RIBC1: variants seen among roughly 807,000 people sequenced by gnomAD.
RIBC1 encodes RIB43A-like with coiled-coils protein 1.
In RIBC1, 12 loss-of-function variants were observed where a neutral mutation model predicts 33.7. The observed-to-expected ratio is 0.36, with a 90% CI of 0.23 to 0.58. The LOEUF is 0.58. RIBC1 is among the 20% of genes least tolerant of loss of function. The probability of loss-of-function intolerance (pLI) is 0.81; values close to 1 mark genes in which losing one functional copy is unlikely to be tolerated. For synonymous variants in RIBC1, 89 were observed against 109.0 expected (o/e 0.82, Z 1.14); for missense variants, 242 against 311.6 (o/e 0.78, Z 1.68).
Position 53,430,575 on chromosome X carries a change from G to A in RIBC1, c.843G>A (p.Gln281=), listed in dbSNP as rs781817042. The change falls in exon 7 of 8, where the codon CAG becomes CAA. Residue 281 remains glutamine, a synonymous_variant. Transcript: ENST00000375327. ...GCTGGAAGGGCATGACTCCAGAGCA[G>A]CAAGCTGCCATCAGGAAAGAGCAGG... The part of the protein sequence containing the change: ...PYCWKGMTPE[Q]QAAIRKEQEV... 1.7e-6 allele frequency: 2 copies of A among 1,206,834 alleles called. No homozygotes were observed. Among genetic ancestry groups the A allele is most frequent in the South Asian group, 3.6e-5 (2 of 56,134 alleles).
intron 6 of RIBC1, 84 bp from the exon 7 acceptor site, chrX:53,430,312 G>T: frequency 1.3e-6 from 1 of 768,008 alleles, no homozygotes. Flanking sequence ...TGAGATGGAA[G>T]AGTAGGGCCA....
chrX:53,423,720 CTATT>C (rs1334280856), intron 2 of RIBC1, among the ~76,000 whole-genome samples: 3 of 111,889 alleles, frequency 2.7e-5, no homozygotes, highest in South Asian at 7.4e-4. Flanking sequence ...ATTCCTTTAA[CTATT>C]TATTAAATTA....
intron 5 of RIBC1, chrX:53,428,916 C>T: frequency 9.5e-6 from 7 of 735,428 alleles, no homozygotes; most frequent in Non-Finnish European, 1.2e-5. Context: ...ATGAATTTTC[C>T]CTTCTGTGCT....
chrX:53,429,023 A>C (rs782357664), intron 5 of RIBC1: 13 of 201,151 alleles, frequency 6.5e-5, no homozygotes, highest in Non-Finnish European at 1.0e-4. Context: ...CTCTTCCATT[A>C]GAAGAAGCCC....
At chrX:53,429,703 A>C in intron 5 of RIBC1, 151 bp from the exon 6 acceptor site, 1 of 1,052,815 alleles carries the variant, frequency 9.5e-7, no homozygotes, top group East Asian at 3.3e-5. Flanking sequence ...TGCTGCACCT[A>C]GTTCCTTCCA....
intron 6 of RIBC1, 89 bp downstream of exon 6, chrX:53,430,061 C>A (rs782717317): frequency 2.3e-5 from 18 of 767,132 alleles, no homozygotes; most frequent in Non-Finnish European, 3.5e-5. Flanking sequence ...CCTCTTACAT[C>A]CCCTCTTAAA....
chrX:53,428,311 A>T lies in RIBC1; in HGVS notation c.228A>T (p.Val76=). The T allele has an allele frequency of 8.3e-7, 1 of 1,211,499 alleles. No homozygotes were observed. Among genetic ancestry groups the T allele is most frequent in the Non-Finnish European group, 1.1e-6 (1 of 895,229 alleles). The part of the protein sequence containing the change: ...YGTSQVQYDV[V]VQMLEKEEAD... The stretch of plus-strand genomic sequence containing the variant: ...CCAGCCAGGTGCAGTATGATGTGGT[A>T]GTCCAGATGTTAGAGAAGGAAGAGG... Residue 76 remains valine, a synonymous_variant, in exon 5 of 8, where the codon GTA becomes GTT. Transcript: ENST00000375327.
At chrX:53,428,767 G>A in intron 5 of RIBC1, 140 bp downstream of exon 5, 3 of 1,109,168 alleles carry the variant, frequency 2.7e-6, no homozygotes, top group Admixed American at 3.4e-5. Context: ...GTTAGGTTGT[G>A]CAGACCCCAA....
At position 53,430,768 on chromosome X, in the gene RIBC1, C is replaced by T; in HGVS notation, c.1036C>T (p.Leu346=). The T allele has an allele frequency of 1.7e-6, 2 of 1,205,168 alleles. No homozygotes were observed. Among genetic ancestry groups the T allele is most frequent in the Non-Finnish European group, 2.2e-6 (2 of 891,849 alleles). ...QRGLGSFNQQ[L]ANEQKAQQDY... The stretch of plus-strand genomic sequence containing the variant: ...GGGTCTAGGATCCTTCAACCAGCAG[C>T]TGGCTAATGAGCAAAAAGCCCAGTG... Residue 346 remains leucine, a synonymous_variant, in exon 7 of 8, where the codon CTG becomes TTG. Transcript: ENST00000375327.
At chrX:53,428,733 T>C (rs2075805856) in intron 5 of RIBC1, 106 bp downstream of exon 5, 1 of 1,143,261 alleles carries the variant, frequency 8.7e-7, no homozygotes. Flanking sequence ...GAGGTCCACT[T>C]ATCCATAGGG....
chrX:53,424,372 G>A (rs1427332238), intron 2 of RIBC1, among the ~76,000 whole-genome samples: 2 of 110,324 alleles, frequency 1.8e-5, no homozygotes, highest in African/African-American at 6.6e-5. Flanking sequence ...CCAGGAGTTT[G>A]AGGCTGCAGT....
At position 53,422,886 on chromosome X, in the gene RIBC1, AGTT is replaced by A. The variant is rs782804107; in HGVS notation, c.-203_-201del. 69 of 291,036 alleles carry A rather than the reference AGTT, an allele frequency of 2.4e-4. No individual in the cohort carries two copies. The East Asian group carries it at 5.4e-3, about 23-fold the overall frequency. 24.0% of individuals were successfully genotyped at this position (291,036 alleles called of 1,213,427 possible). A position where few individuals can be genotyped will look rare whatever the true frequency, so the allele number is the denominator to read the frequency against. ...CTCCTGCGGACCAGATCCCCGGAGG[AGTT>A]GTTGCTGGGCGGAGTCAGAGCAGTT... On this transcript the variant is annotated 5_prime_UTR_variant, in exon 1 of 8. Transcript: ENST00000375327.
intron 2 of RIBC1, among the ~76,000 whole-genome samples, chrX:53,425,806 G>C (rs781945169): frequency 8.9e-6 from 1 of 112,286 alleles, no homozygotes; most frequent in Non-Finnish European, 1.9e-5. Context: ...ACTGAATAGA[G>C]TATAATGAAA....
At chrX:53,428,159 C>T in intron 4 of RIBC1, 75 bp downstream of exon 4, 2 of 1,196,040 alleles carry the variant, frequency 1.7e-6, no homozygotes, top group Non-Finnish European at 2.3e-6. Context: ...GGCAGTTCTG[C>T]CTCTGTGGCC....
chrX:53,429,994 A>G lies in RIBC1; in HGVS notation c.663+22A>G, dbSNP rs782744780. ...GCAGGTATGGCCTGAGCCATGCAGT[A>G]CCTTGGGCTCTCCCCAACTCCTGAA... On this transcript the variant is annotated intron_variant, in intron 6 of 7. Coordinates refer to ENST00000375327, the MANE Select transcript of RIBC1 (RefSeq NM_001031745.5). 3.5e-6 allele frequency: 4 copies of G among 1,136,594 alleles called. No homozygotes were observed. The African/African-American group carries it at 7.1e-5, about 20-fold the overall frequency. The allele number at this position is 1,136,594 out of a possible 1,213,427, so 93.7% of individuals were successfully genotyped here. A position where few individuals can be genotyped will look rare whatever the true frequency, so the allele number is the denominator to read the frequency against.
chrX:53,423,086 G>C (rs1323963649), intron 1 of RIBC1, 82 bp downstream of exon 1: 1 of 175,325 alleles, frequency 5.7e-6, no homozygotes, highest in East Asian at 1.6e-4. Flanking sequence ...AGGACCCGGG[G>C]GGAGCGGAGA....
At position 53,426,489 on chromosome X, in the gene RIBC1, C is replaced by G. The variant is rs140933436; in HGVS notation, c.117+96C>G. On this transcript the variant is annotated intron_variant, in intron 3 of 7. Transcript: ENST00000375327. ...AACAGTGCCCATGATAGCCCTTCCC[C>G]TGATTCAAGTAGGCCCCTAGGGCAG... The G allele has an allele frequency of 9.0e-4, 537 of 594,456 alleles. 2 individuals carry two copies. In the African/African-American group the frequency reaches 0.011, roughly 12 times the overall value. 49.0% of individuals were successfully genotyped at this position (594,456 alleles called of 1,213,427 possible).
chrX:53,423,382 C>T lies in RIBC1; in HGVS notation c.-21C>T, dbSNP rs1188986547. On this transcript the variant is annotated 5_prime_UTR_variant, in exon 2 of 8. Coordinates refer to ENST00000375327, the MANE Select transcript of RIBC1 (RefSeq NM_001031745.5). Reference sequence around the variant, plus strand: ...AGAGCCAACCTAAGAGCTTCAAAATCGGGATTCCTTACTGAGAAAGGTATT... The same window carrying T: ...AGAGCCAACCTAAGAGCTTCAAAATTGGGATTCCTTACTGAGAAAGGTATT... 8.9e-6 allele frequency: 1 copy of T among 112,031 alleles called. No individual in the cohort carries two copies. The highest frequency in any genetic ancestry group is 1.9e-5 in the Non-Finnish European group (1 of 53,173). 9.2% of individuals were successfully genotyped at this position (112,031 alleles called of 1,213,427 possible).
Position 53,430,474 on chromosome X carries a change from A to G in RIBC1, c.742A>G (p.Ser248Gly), listed in dbSNP as rs1569364929. 3.3e-6 allele frequency: 4 copies of G among 1,211,001 alleles called. No individual in the cohort carries two copies. Among genetic ancestry groups the G allele is most frequent in the Non-Finnish European group, 4.5e-6 (4 of 894,875 alleles). ...CAACCTTGCGGAGATCCAGCACCAG[A>G]GCACGAGTGACCTACTGACTGAAAA... ...KANLAEIQHQ[S>G]TSDLLTENPQ... Residue 248 changes from serine (S) to glycine (G), a missense_variant, in exon 7 of 8, where the codon AGC becomes GGC. By Grantham distance (56) the Ser-to-Gly change is moderately conservative. Coordinates refer to ENST00000375327, the MANE Select transcript of RIBC1 (RefSeq NM_001031745.5).
Sources: gnomAD v4.1 joint callset for allele counts (sites outside exome capture counted in the v4.1 genomes callset) on GRCh38, gnomAD v4.1.1 for gene constraint, MANE v1.5 for transcripts, NCBI Gene and HGNC (gene_info 2026-07-23, HGNC 2026-07-21) for gene names.